CTNNA2: variants seen among roughly 807,000 people sequenced by gnomAD.
CTNNA2 encodes the protein catenin alpha-2.
In CTNNA2, 42 loss-of-function variants were observed where a neutral mutation model predicts 101.0. The ratio of observed to expected loss-of-function variants is 0.42; its 90% CI spans 0.32 to 0.54. The LOEUF is 0.54. Among genes scored for constraint, CTNNA2 ranks in the 20% least tolerant of loss-of-function variants. The pLI is 0.14. For synonymous variants in CTNNA2, 450 were observed against 456.4 expected (o/e 0.99, Z 0.18); for missense variants, 871 against 1,223.1 (o/e 0.71, Z 4.29).
intron 3 of CTNNA2, among the ~76,000 whole-genome samples, chr2:79,826,416 A>G (rs1678444222): frequency 6.6e-6 from 1 of 152,230 alleles, no homozygotes; most frequent in African/African-American, 2.4e-5. Context: ...CTTATAACTT[A>G]GCTCTCCCTA....
At chr2:80,431,390 T>C (rs1681494957) in intron 9 of CTNNA2, among the ~76,000 whole-genome samples, 1 of 152,190 alleles carries the variant, frequency 6.6e-6, no homozygotes, top group African/African-American at 2.4e-5. Context: ...ACTTTAATCC[T>C]CTGACCCTCA....
intron 7 of CTNNA2, among the ~76,000 whole-genome samples, chr2:80,282,567 C>T (rs1674463793): frequency 6.6e-6 from 1 of 152,164 alleles, no homozygotes; most frequent in South Asian, 2.1e-4. Flanking sequence ...GGCAATCTTA[C>T]TACATCTAAA....
intron 3 of CTNNA2, among the ~76,000 whole-genome samples, chr2:79,847,821 T>A (rs1306260957): frequency 6.6e-6 from 1 of 152,164 alleles, no homozygotes; most frequent in Non-Finnish European, 1.5e-5. Flanking sequence ...AATGCTGCCG[T>A]CTCTTTGATT....
At chr2:80,468,424 A>T (rs1195973474) in intron 9 of CTNNA2, among the ~76,000 whole-genome samples, 1 of 150,374 alleles carries the variant, frequency 6.7e-6, no homozygotes, top group Non-Finnish European at 1.5e-5. Context: ...TTATTTATTT[A>T]TTTATTTTTT....
intron 12 of CTNNA2, among the ~76,000 whole-genome samples, chr2:80,569,633 G>GTTTTTTTTTTGTTTTTTTTTTTTT (rs1694378596): frequency 1.9e-5 from 1 of 51,718 alleles, no homozygotes; most frequent in Non-Finnish European, 3.9e-5. Flanking sequence ...GGGTATTTAG[G>GTTTTTTTTTTGTTTTTTTTTTTTT]TTTTTTTTTT....
chr2:79,616,919 C>G (rs1402396729), intron 1 of CTNNA2, among the ~76,000 whole-genome samples: 1 of 139,638 alleles, frequency 7.2e-6, no homozygotes. Flanking sequence ...CTTTTTTTTT[C>G]GAGACACAGT....
intron 3 of CTNNA2, among the ~76,000 whole-genome samples, chr2:79,835,666 GTTTT>G (rs70940048): frequency 2.6e-4 from 15 of 58,618 alleles, no homozygotes; most frequent in Admixed American, 1.0e-3. Context: ...GCCTCTCTTT[GTTTT>G]TTTTTTTTTT....
intron 7 of CTNNA2, among the ~76,000 whole-genome samples, chr2:80,360,606 T>A (rs1422594116): frequency 6.6e-6 from 1 of 152,132 alleles, no homozygotes; most frequent in African/African-American, 2.4e-5. Flanking sequence ...TTATTAAAAC[T>A]GTCCTGATAG....
At chr2:79,622,092 A>C (rs1370385186) in intron 1 of CTNNA2, among the ~76,000 whole-genome samples, 1 of 152,216 alleles carries the variant, frequency 6.6e-6, no homozygotes, top group African/African-American at 2.4e-5. Flanking sequence ...AATCTGAATA[A>C]AAGTACATAC....
At chr2:79,218,249 AC>A (rs1674292031) in intron 2 of CTNNA2, among the ~76,000 whole-genome samples, 1 of 151,910 alleles carries the variant, frequency 6.6e-6, no homozygotes, top group African/African-American at 2.4e-5. Context: ...AGACAGAAGC[AC>A]AGGGGTCCAG....
In CTNNA2 at chr2:79,448,868, G is replaced by A. The variant is rs148481373; in HGVS notation, c.-134-56186G>A. Among the ~76,000 whole-genome samples the A allele has an allele frequency of 2.3e-3, 349 of 152,138 alleles. 2 individuals carry two copies. The highest frequency in any genetic ancestry group is 5.5e-3 in the Admixed American group (84 of 15,242). On this transcript the variant is annotated intron_variant, in intron 4 of 21. Coordinates refer to the CTNNA2 transcript ENST00000466387. ...ATTCTGTGGATTCAGACTTGTCTAC[G>A]TTTTGAAAATTGTTGAAATGGATCC...
chr2:80,016,358 G>C (rs779008047), intron 7 of CTNNA2, among the ~76,000 whole-genome samples: 2 of 152,134 alleles, frequency 1.3e-5, no homozygotes, highest in African/African-American at 4.8e-5. Flanking sequence ...GGAGTGCCAG[G>C]CTGCTCAGAA....
rs756683044 is a variant in CTNNA2 at position 79,887,121 on chromosome 2, C to A, written c.852+12779C>A. Among the ~76,000 whole-genome samples, 224 of 152,162 alleles carry A rather than the reference C, an allele frequency of 1.5e-3. 2 individuals carry two copies. The highest frequency in any genetic ancestry group is 1.6e-3 in the Non-Finnish European group (111 of 68,012). On this transcript the variant is annotated intron_variant, in intron 6 of 18. Coordinates refer to ENST00000402739, the MANE Select transcript of CTNNA2 (RefSeq NM_001282597.3). The stretch of plus-strand genomic sequence containing the variant: ...CGTGAGCCACAGCTCCTGGCCCAGA[C>A]TTGTGTTTTTGAAGATCCCTGTGGC...
intron 1 of CTNNA2, among the ~76,000 whole-genome samples, chr2:79,513,955 G>A (rs534275832): frequency 5.5e-4 from 84 of 152,302 alleles, no homozygotes; most frequent in Middle Eastern, 6.8e-3. Context: ...GGAGAGGAAG[G>A]GAGGTGGCAG....
At chr2:79,582,604 C>T (rs1016851209) in intron 1 of CTNNA2, among the ~76,000 whole-genome samples, 20 of 152,092 alleles carry the variant, frequency 1.3e-4, no homozygotes, top group African/African-American at 4.8e-4. Context: ...ATGCTCAAAC[C>T]ACAATTAGAT....
In CTNNA2 at chr2:79,982,855, CTCTA is replaced by C. The variant is rs573392416; in HGVS notation, c.1056+73062_1056+73065del. ...GTAAACTTTTTAAAAACTCACTTTC[CTCTA>C]TCTCTCTTTCAAATTTGACTGATGG... On this transcript the variant is annotated intron_variant, in intron 7 of 18. Coordinates refer to ENST00000402739, the MANE Select transcript of CTNNA2 (RefSeq NM_001282597.3). Among the ~76,000 whole-genome samples the C allele has an allele frequency of 2.5e-3, 383 of 152,126 alleles. 2 individuals are homozygous for C. The highest frequency in any genetic ancestry group is 4.4e-3 in the Admixed American group (67 of 15,274).
At chr2:79,196,611 T>A (rs542785437) in intron 1 of CTNNA2, among the ~76,000 whole-genome samples, 36 of 152,234 alleles carry the variant, frequency 2.4e-4, no homozygotes, top group African/African-American at 7.2e-4. Flanking sequence ...GGGTACCTTA[T>A]ACTTAATAAT....
intron 18 of CTNNA2, among the ~76,000 whole-genome samples, chr2:80,633,591 A>G (rs1672523056): frequency 6.6e-6 from 1 of 152,218 alleles, no homozygotes; most frequent in African/African-American, 2.4e-5. Flanking sequence ...GGAAAAGCCT[A>G]TGGTAGATCT....
intron 18 of CTNNA2, among the ~76,000 whole-genome samples, chr2:80,632,519 G>C (rs1366088460): frequency 2.6e-5 from 4 of 152,040 alleles, no homozygotes; most frequent in Non-Finnish European, 5.9e-5. Context: ...GTGTTCTATA[G>C]TTTGGAAACT....
Sources: gnomAD v4.1 joint callset for allele counts (sites outside exome capture counted in the v4.1 genomes callset) on GRCh38, gnomAD v4.1.1 for gene constraint, MANE v1.5 for transcripts, NCBI Gene and HGNC (gene_info 2026-07-23, HGNC 2026-07-21) for gene names.